Variants in GALK2 observed in about 807,000 individuals in gnomAD.
GALK2 encodes N-acetylgalactosamine kinase.
In GALK2, 36 loss-of-function variants were observed where a neutral mutation model predicts 52.4. The ratio of observed to expected loss-of-function variants is 0.69; its 90% confidence interval spans 0.53 to 0.91. The LOEUF (loss-of-function observed/expected upper bound fraction) is 0.91, where lower values mean the gene tolerates loss of function less well. GALK2 is among the 40% of genes least tolerant of loss of function. The pLI is 0.00. For missense variants in GALK2, 579 were observed against 559.1 expected, an observed-to-expected ratio of 1.04 and a Z score of -0.36; for synonymous variants, 176 against 199.1, an observed-to-expected ratio of 0.88 and a Z score of 0.98.
At chr15:49,346,465 A>T (rs982915628) in intron 3 of GALK2, among the ~76,000 whole-genome samples, 2 of 152,120 alleles carry the variant, frequency 1.3e-5, no homozygotes, top group African/African-American at 4.8e-5. Context: ...CCTAAGCCTT[A>T]TTTTAGGGGA....
chr15:49,290,678 G>A (rs759112130), intron 7 of GALK2, among the ~76,000 whole-genome samples: 3 of 152,178 alleles, frequency 2.0e-5, no homozygotes, highest in Non-Finnish European at 4.4e-5. Flanking sequence ...ATCTCTTGGG[G>A]GCAGTTCTGT....
At chr15:49,183,281 T>A (rs1321826807) in intron 1 of GALK2, among the ~76,000 whole-genome samples, 1 of 152,170 alleles carries the variant, frequency 6.6e-6, no homozygotes, top group Non-Finnish European at 1.5e-5. Flanking sequence ...TTTCTACTTT[T>A]TTGACATGGG....
At chr15:49,226,226 C>T (rs948079461) in intron 3 of GALK2, among the ~76,000 whole-genome samples, 3 of 152,088 alleles carry the variant, frequency 2.0e-5, no homozygotes, top group Non-Finnish European at 4.4e-5. Context: ...TGTTTATGGG[C>T]GTCATAGGAT....
intron 8 of GALK2, among the ~76,000 whole-genome samples, chr15:49,311,472 G>A (rs1257200528): frequency 6.6e-6 from 1 of 152,124 alleles, no homozygotes; most frequent in Non-Finnish European, 1.5e-5. Context: ...TGCTCCAGTA[G>A]TCAAAGTACT....
chr15:49,327,762 A>G, intron 9 of GALK2, 190 bp from the exon 10 acceptor site: 1 of 495,572 alleles, frequency 2.0e-6, no homozygotes, highest in Non-Finnish European at 3.5e-6. Flanking sequence ...TTTAGATACA[A>G]TGAAAAAATT....
intron 4 of GALK2, among the ~76,000 whole-genome samples, chr15:49,238,996 A>G (rs766707239): frequency 2.0e-5 from 3 of 152,252 alleles, no homozygotes; most frequent in Non-Finnish European, 4.4e-5. Flanking sequence ...GAAAAAGAAC[A>G]TTCAAGGCAA....
chr15:49,187,137 A>G (rs1048676955), intron 1 of GALK2, among the ~76,000 whole-genome samples: 19 of 152,144 alleles, frequency 1.2e-4, no homozygotes, highest in African/African-American at 4.3e-4. Context: ...CACTGCAGCT[A>G]TATCTTTATT....
intron 1 of GALK2, among the ~76,000 whole-genome samples, chr15:49,198,685 A>G (rs772171170): frequency 1.3e-5 from 2 of 151,420 alleles, no homozygotes; most frequent in Non-Finnish European, 2.9e-5. Flanking sequence ...AGCTTATTCT[A>G]CTTTCCTCTT....
At chr15:49,237,812 G>A (rs952559952) in intron 4 of GALK2, among the ~76,000 whole-genome samples, 1 of 151,898 alleles carries the variant, frequency 6.6e-6, no homozygotes, top group African/African-American at 2.4e-5. Context: ...CAAGACACCT[G>A]TGTTTGATCA....
intron 1 of GALK2, among the ~76,000 whole-genome samples, chr15:49,194,847 G>A (rs540885629): frequency 1.3e-5 from 2 of 151,740 alleles, no homozygotes; most frequent in South Asian, 4.2e-4. Context: ...CGCCTGCCTT[G>A]GCTTCCCAAA....
chr15:49,328,612 G>GTGATGA lies in GALK2; in HGVS notation c.*466_*471dup. ...AAGTTGTAGTTGTCTGTTGATGATG[G>GTGATGA]TGATGATGATGATGATGACGATAGT... On this transcript the variant is annotated 3_prime_UTR_variant, in exon 10 of 10. Transcript: ENST00000560031. The GTGATGA allele has an allele frequency of 6.3e-6, 10 of 1,590,932 alleles. 1 individual carries two copies. Among genetic ancestry groups the GTGATGA allele is most frequent in the South Asian group, 3.4e-5 (3 of 88,786 alleles).
intron 9 of GALK2, 53 bp from the exon 10 acceptor site, chr15:49,327,899 A>G: frequency 6.5e-7 from 1 of 1,547,260 alleles, no homozygotes; most frequent in South Asian, 1.2e-5. Context: ...CACCAAGCAA[A>G]TCCCTTGTAT....
intron 1 of GALK2, chr15:49,156,992 C>G (rs1005098659): frequency 3.4e-6 from 1 of 293,328 alleles, no homozygotes; most frequent in African/African-American, 2.3e-5. Context: ...ATTGAGCTCC[C>G]TGAATTTTCA....
chr15:49,292,804 C>T (rs1408035316), intron 8 of GALK2, among the ~76,000 whole-genome samples: 1 of 151,714 alleles, frequency 6.6e-6, no homozygotes, highest in African/African-American at 2.4e-5. Context: ...TCTTTTTTTT[C>T]CCTTATCCAT....
upstream of GALK2, chr15:49,170,184 C>G (rs936220396): frequency 6.1e-6 from 9 of 1,473,456 alleles, no homozygotes; most frequent in Middle Eastern, 2.2e-4. Context: ...GCCACCTCAG[C>G]GAAGCTGCAG....
chr15:49,288,771 T>C (rs1390468651), intron 7 of GALK2, among the ~76,000 whole-genome samples: 1 of 152,218 alleles, frequency 6.6e-6, no homozygotes, highest in Non-Finnish European at 1.5e-5. Context: ...TTACCCAGGC[T>C]TGGCTTTGAA....
intron 8 of GALK2, among the ~76,000 whole-genome samples, chr15:49,304,240 A>G (rs1318620993): frequency 6.6e-6 from 1 of 152,210 alleles, no homozygotes; most frequent in Non-Finnish European, 1.5e-5. Flanking sequence ...TATACAAAGC[A>G]GCTTTTCTTA....
At chr15:49,352,909 G>A (rs1008292829) in intron 3 of GALK2, among the ~76,000 whole-genome samples, 2 of 152,112 alleles carry the variant, frequency 1.3e-5, no homozygotes, top group African/African-American at 2.4e-5. Flanking sequence ...CTAAAGCTCT[G>A]TTACACTGGT....
At chr15:49,203,055 A>G (rs1595644646) in intron 2 of GALK2, among the ~76,000 whole-genome samples, 1 of 150,972 alleles carries the variant, frequency 6.6e-6, no homozygotes, top group Non-Finnish European at 1.5e-5. Context: ...TTATTTTATT[A>G]ATTTATTTAT....
Sources: allele counts gnomAD v4.1 joint callset (sites outside exome capture counted in the v4.1 genomes callset), GRCh38; gene constraint gnomAD v4.1.1; transcripts MANE v1.5; gene names NCBI Gene and HGNC (gene_info 2026-07-23, HGNC 2026-07-21).